Variants in SMARCC1 observed in about 807,000 individuals in gnomAD.
SMARCC1 encodes the protein SWI/SNF related BAF chromatin remodeling complex subunit C1, also known as SWI/SNF complex subunit SMARCC1.
SMARCC1 carries 43 observed loss-of-function variants against 147.4 expected under a neutral mutation model. That is an observed-to-expected ratio of 0.29 (90% confidence interval 0.23 to 0.38). The LOEUF (loss-of-function observed/expected upper bound fraction) is 0.38, where lower values mean the gene tolerates loss of function less well. Among genes scored for constraint, SMARCC1 ranks in the 10% least tolerant of loss-of-function variants. The probability of loss-of-function intolerance (pLI) is 1.00; values close to 1 mark genes in which losing one functional copy is unlikely to be tolerated. For missense variants in SMARCC1, 1,119 were observed against 1,381.1 expected, an observed-to-expected ratio of 0.81 and a Z score of 3.01; for synonymous variants, 495 against 484.4, an observed-to-expected ratio of 1.02 and a Z score of -0.29.
intron 3 of SMARCC1, 82 bp downstream of exon 3, chr3:47,745,826 A>C (rs1343814380): frequency 1.3e-6 from 1 of 789,854 alleles, no homozygotes; most frequent in Non-Finnish European, 2.0e-6. Context: ...TCATGTGCTT[A>C]CAGGATTTTC....
intron 14 of SMARCC1, among the ~76,000 whole-genome samples, chr3:47,681,085 TA>T (rs1210724335): frequency 1.3e-5 from 2 of 152,230 alleles, no homozygotes; most frequent in Non-Finnish European, 2.9e-5. Context: ...TACATTTTAT[TA>T]TTTTTTGGGA....
intron 26 of SMARCC1, among the ~76,000 whole-genome samples, chr3:47,600,998 T>TGAGAGAGATAGA (rs2032373590): frequency 4.7e-5 from 4 of 85,200 alleles, no homozygotes; most frequent in African/African-American, 2.0e-4. Flanking sequence ...AGGAAGAAAA[T>TGAGAGAGATAGA]GAGAGAGAGA....
intron 11 of SMARCC1, among the ~76,000 whole-genome samples, chr3:47,695,052 C>T (rs769526280): frequency 4.5e-4 from 68 of 152,060 alleles, no homozygotes; most frequent in African/African-American, 1.5e-3. Flanking sequence ...CACATAGTAA[C>T]GGGAAAAAAT....
intron 14 of SMARCC1, among the ~76,000 whole-genome samples, chr3:47,684,112 C>T (rs974037877): frequency 3.3e-5 from 5 of 151,018 alleles, no homozygotes; most frequent in African/African-American, 7.2e-5. Flanking sequence ...TAGTGGCGGG[C>T]GCCTGTAGTC....
chr3:47,588,981 A>G (rs535065272), intron 27 of SMARCC1, among the ~76,000 whole-genome samples: 7 of 152,310 alleles, frequency 4.6e-5, no homozygotes, highest in African/African-American at 1.4e-4. Flanking sequence ...AGAACCCGAG[A>G]GATCATTTAA....
intron 4 of SMARCC1, 118 bp from the exon 5 acceptor site, chr3:47,736,244 G>A (rs2034441766): frequency 3.4e-6 from 2 of 584,448 alleles, no homozygotes; most frequent in Non-Finnish European, 6.0e-6. Context: ...ATATTGAGAA[G>A]CATGACCTAA....
chr3:47,606,247 G>A (rs530869063), intron 26 of SMARCC1, among the ~76,000 whole-genome samples: 31 of 152,244 alleles, frequency 2.0e-4, no homozygotes, highest in Middle Eastern at 3.4e-3. Flanking sequence ...TCTAGTTTGC[G>A]GAACTGCTTC....
At chr3:47,676,329 C>T (rs1215962654) in intron 17 of SMARCC1, among the ~76,000 whole-genome samples, 1 of 152,158 alleles carries the variant, frequency 6.6e-6, no homozygotes, top group Non-Finnish European at 1.5e-5. Context: ...CATCTGCTTA[C>T]TTATGAGTGT....
chr3:47,776,686 G>C (rs1232023913), intron 1 of SMARCC1, among the ~76,000 whole-genome samples: 5 of 151,988 alleles, frequency 3.3e-5, no homozygotes, highest in Non-Finnish European at 2.9e-5. Context: ...CCTTGAAAAA[G>C]GCTGTTCAGA....
intron 18 of SMARCC1, among the ~76,000 whole-genome samples, chr3:47,671,470 A>G (rs2033501823): frequency 6.6e-6 from 1 of 152,162 alleles, no homozygotes; most frequent in Non-Finnish European, 1.5e-5. Flanking sequence ...TCCAACTGCA[A>G]TAAGCCCATA....
chr3:47,724,030 C>T (rs2034268700), intron 6 of SMARCC1, among the ~76,000 whole-genome samples: 1 of 152,026 alleles, frequency 6.6e-6, no homozygotes, highest in African/African-American at 2.4e-5. Flanking sequence ...AACAAAAATA[C>T]AGAGAAACTG....
At chr3:47,654,410 AAC>A (rs2033230930) in intron 21 of SMARCC1, among the ~76,000 whole-genome samples, 1 of 152,262 alleles carries the variant, frequency 6.6e-6, no homozygotes, top group Non-Finnish European at 1.5e-5. Flanking sequence ...TTAATTTTCA[AAC>A]TAAGAATTAT....
At chr3:47,665,194 G>A (rs1279598850) in intron 19 of SMARCC1, among the ~76,000 whole-genome samples, 1 of 152,056 alleles carries the variant, frequency 6.6e-6, no homozygotes, top group Admixed American at 6.6e-5. Context: ...TGCTGGAATG[G>A]TAGAGGACTT....
At chr3:47,753,312 G>GA (rs1371028399) in intron 2 of SMARCC1, among the ~76,000 whole-genome samples, 1 of 130,592 alleles carries the variant, frequency 7.7e-6, no homozygotes, top group Non-Finnish European at 1.6e-5. Context: ...GCAACAGAGC[G>GA]AGACTCCATC....
chr3:47,674,156 T>G (rs1348645871), intron 18 of SMARCC1, among the ~76,000 whole-genome samples: 1 of 152,248 alleles, frequency 6.6e-6, no homozygotes, highest in Non-Finnish European at 1.5e-5. Flanking sequence ...TTCTTGTAAT[T>G]TCTACACGTT....
At chr3:47,777,534 T>C (rs1248376694) in intron 1 of SMARCC1, among the ~76,000 whole-genome samples, 2 of 151,912 alleles carry the variant, frequency 1.3e-5, no homozygotes, top group African/African-American at 2.4e-5. Flanking sequence ...TCTCTATTTA[T>C]GTATTTATTT....
chr3:47,704,330 T>A (rs989775628), intron 10 of SMARCC1, among the ~76,000 whole-genome samples: 1 of 152,156 alleles, frequency 6.6e-6, no homozygotes, highest in Non-Finnish European at 1.5e-5. Context: ...AACATAACTC[T>A]AAGGAGAAAT....
At chr3:47,645,997 T>C (rs1326106037) in intron 21 of SMARCC1, among the ~76,000 whole-genome samples, 1 of 152,142 alleles carries the variant, frequency 6.6e-6, no homozygotes, top group Non-Finnish European at 1.5e-5. Flanking sequence ...CAGACCTGGC[T>C]CGGACTTTTA....
chr3:47,664,770 G>C (rs2033401105), intron 19 of SMARCC1, among the ~76,000 whole-genome samples: 1 of 152,138 alleles, frequency 6.6e-6, no homozygotes, highest in African/African-American at 2.4e-5. Context: ...AACTGGAGAA[G>C]TGCTGCTGGT....
Sources: allele counts gnomAD v4.1 joint callset (sites outside exome capture counted in the v4.1 genomes callset), GRCh38; gene constraint gnomAD v4.1.1; transcripts MANE v1.5; gene names NCBI Gene and HGNC (gene_info 2026-07-23, HGNC 2026-07-21).